Variants in XAB2 observed in about 807,000 individuals in gnomAD.
XAB2 encodes pre-mRNA-splicing factor SYF1.
In XAB2, 57 loss-of-function variants were observed where a neutral mutation model predicts 113.4. The ratio of observed to expected loss-of-function variants is 0.50; its 90% CI spans 0.41 to 0.63. The LOEUF is 0.63. Ranked by LOEUF, XAB2 falls within the 20% of genes least tolerant of loss-of-function variation. The pLI is 0.00. For synonymous variants in XAB2, 497 were observed against 498.8 expected, an observed-to-expected ratio of 1.00 and a Z score of 0.05; for missense variants, 1,037 against 1,233.3, an observed-to-expected ratio of 0.84 and a Z score of 2.38.
intron 12 of XAB2, 61 bp downstream of exon 12, chr19:7,622,270 G>T: frequency 6.6e-7 from 1 of 1,516,164 alleles, no homozygotes. Context: ...GTAAGTTGCT[G>T]AGGACCCCTG....
rs766031691 is a variant in XAB2, at chr19:7,625,900, G to A, written c.802C>T (p.Arg268Cys). The stretch of plus-strand genomic sequence containing the variant: ...TGCACCTTCTCGAAATGGCCGCTGC[G>A]GATGTAGTAGTCGGCGAGAGAACAC... ...LWCSLADYYIRSGHFEKARDV... is the reference protein window; with the variant it reads ...LWCSLADYYICSGHFEKARDV... Residue 268 changes from arginine to cysteine, a missense_variant, in exon 6 of 19, where the codon CGC becomes TGC. Physicochemically the swap from Arg to Cys is radical, Grantham distance 180. Coordinates refer to ENST00000358368, the MANE Select transcript of XAB2 (RefSeq NM_020196.3). This position sits in a 1 kb window ranked among gnomAD's most constrained non-coding sequence, Gnocchi z 5.2. 14 of 1,611,114 alleles carry A rather than the reference G, an allele frequency of 8.7e-6. No individual in the cohort carries two copies. The highest frequency in any genetic ancestry group is 1.6e-4 in the Middle Eastern group (1 of 6,074).
rs1253453643 is a variant in XAB2 at position 7,620,352 on chromosome 19, A to T, written c.2189T>A (p.Val730Glu). Reference protein sequence around the residue: ...IKEMLRIRRSVQATYNTQVNF... With the variant: ...IKEMLRIRRSEQATYNTQVNF... ...GACCTGCGTGTTGTACGTGGCCTGCACGCTGCGCCGGATACGCAGCATTTC... is the reference window on the plus strand; with the variant it reads ...GACCTGCGTGTTGTACGTGGCCTGCTCGCTGCGCCGGATACGCAGCATTTC... The change falls in exon 16 of 19, where the codon GTG (valine) becomes GAG (glutamate). Residue 730 changes from valine (V) to glutamate (E), a missense_variant. Physicochemically the swap from Val to Glu is moderately radical, Grantham distance 121. Transcript: ENST00000358368. 1 of 1,613,556 alleles carries T rather than the reference A, an allele frequency of 6.2e-7. No homozygotes were observed. The highest frequency in any genetic ancestry group is 8.5e-7 in the Non-Finnish European group (1 of 1,179,998).
In XAB2 at chr19:7,621,259, G is replaced by A. The variant is rs963110693; in HGVS notation, c.1656C>T (p.Asn552=). 1.7e-5 allele frequency: 27 copies of A among 1,612,964 alleles called. No individual in the cohort carries two copies. Among genetic ancestry groups the A allele is most frequent in the Middle Eastern group, 3.3e-4 (2 of 6,084 alleles). The change falls in exon 13 of 19, where the codon AAC becomes AAT. Residue 552 remains asparagine (N), a synonymous_variant. Transcript: ENST00000358368. Reference sequence around the variant, plus strand: ...GGTAGGTGCTCCAGATGTCGGACACGTTGGGCCACTTGAACAGCGAGATGC... The same window carrying A: ...GGTAGGTGCTCCAGATGTCGGACACATTGGGCCACTTGAACAGCGAGATGC... ...ERGISLFKWP[N]VSDIWSTYLT...
rs754640111 is a variant in XAB2, at chr19:7,621,115, A to G, written c.1780+20T>C. ...ACCCAGCCCGCCCGCCACCCCCCCC[A>G]TGCCCTCTGCCCGCCTCACTCTTGG... On this transcript the variant is annotated intron_variant, in intron 13 of 18. Transcript: ENST00000358368. 1.2e-4 allele frequency: 44 copies of G among 381,094 alleles called. No homozygotes were observed. The highest frequency in any genetic ancestry group is 1.6e-4 in the Non-Finnish European group (43 of 263,988). 23.6% of individuals were successfully genotyped at this position (381,094 alleles called of 1,614,324 possible). A position where few individuals can be genotyped will look rare whatever the true frequency, so the allele number is the denominator to read the frequency against.
chr19:7,625,496 TG>T lies in XAB2; in HGVS notation c.822+383del, dbSNP rs67675857. On this transcript the variant is annotated intron_variant, in intron 6 of 18. Coordinates refer to ENST00000358368, the MANE Select transcript of XAB2 (RefSeq NM_020196.3). The surrounding 1 kb of genome is among the most constrained non-coding windows in gnomAD (Gnocchi z 5.2). ...CACTTTTTTTTTTTTTTTTTTTTTT[TG>T]AGATGGAGTCTCGCTCTGCCACCCA... Among the ~76,000 whole-genome samples the T allele has an allele frequency of 0.067, 8,221 of 123,068 alleles. 724 individuals are homozygous for T. Among genetic ancestry groups the T allele is most frequent in the East Asian group, 0.44 (1,875 of 4,246 alleles). The allele number at this position is 123,068 out of a possible 152,430, so 80.7% of individuals were successfully genotyped here.
At chr19:7,620,513 C>T in intron 15 of XAB2, 34 bp downstream of exon 15, 1 of 1,612,692 alleles carries the variant, frequency 6.2e-7, no homozygotes, top group South Asian at 1.1e-5. Flanking sequence ...CCGCAGCCCC[C>T]AACCCTGATA....
chr19:7,619,701 G>A, intron 18 of XAB2, 46 bp downstream of exon 18: 1 of 1,609,452 alleles, frequency 6.2e-7, no homozygotes, highest in Non-Finnish European at 8.5e-7. Flanking sequence ...GTCCCCCGAG[G>A]CCCACCCTGG....
chr19:7,620,897 G>A lies in XAB2; in HGVS notation c.1920C>T (p.Ala640=), dbSNP rs775151385. The part of the protein sequence containing the change: ...DMFNIYIKRA[A]EIYGVTHTRG... The stretch of plus-strand genomic sequence containing the variant: ...GGGTGTGGGTGACCCCATAGATCTC[G>A]GCCGCCCGCTTGATGTAGATGTTGA... Residue 640 remains alanine, a synonymous_variant, in exon 14 of 19, where the codon GCC becomes GCT. Transcript: ENST00000358368. 3.9e-5 allele frequency: 62 copies of A among 1,602,954 alleles called. No individual in the cohort carries two copies. Among genetic ancestry groups the A allele is most frequent in the Admixed American group, 3.4e-4 (20 of 58,652 alleles).
At chr19:7,626,108 C>T (rs2031134912) in intron 5 of XAB2, 28 bp downstream of exon 5, 1 of 1,612,818 alleles carries the variant, frequency 6.2e-7, no homozygotes, top group Non-Finnish European at 8.5e-7. Context: ...GGCCCTCCCA[C>T]CCAGTTGCCG....
At position 7,627,821 on chromosome 19, in the gene XAB2, C is replaced by T. The variant is rs200672913; in HGVS notation, c.231G>A (p.Ala77=). ...SYKLWYRYLK[A]RRAQVKHRCV... Reference sequence around the variant, plus strand: ...AGCGATGCTTCACCTGTGCCCGACGCGCCTTCAGGTATCGGTACCAGAGTT... The same window carrying T: ...AGCGATGCTTCACCTGTGCCCGACGTGCCTTCAGGTATCGGTACCAGAGTT... Residue 77 remains alanine, a synonymous_variant, in exon 3 of 19, where the codon GCG becomes GCA. Coordinates refer to ENST00000358368, the MANE Select transcript of XAB2 (RefSeq NM_020196.3). This position sits in a 1 kb window ranked among gnomAD's most constrained non-coding sequence, Gnocchi z 4.5. The T allele has an allele frequency of 1.1e-5, 17 of 1,613,946 alleles. 1 individual carries two copies. Among genetic ancestry groups the T allele is most frequent in the South Asian group, 7.7e-5 (7 of 91,082 alleles).
chr19:7,628,434 C>A lies in XAB2; in HGVS notation c.52-136G>T. The A allele has an allele frequency of 1.9e-6, 2 of 1,046,296 alleles. No individual in the cohort carries two copies. The highest frequency in any genetic ancestry group is 1.5e-5 in the South Asian group (1 of 65,024). The allele number at this position is 1,046,296 out of a possible 1,614,324, so 64.8% of individuals were successfully genotyped here. A position where few individuals can be genotyped will look rare whatever the true frequency, so the allele number is the denominator to read the frequency against. ...ACCACCCACCAAGGAAGTCAGGTCA[C>A]CAGATGCCCAGGCACCAAACCAGAT... On this transcript the variant is annotated intron_variant, in intron 1 of 18. Coordinates refer to ENST00000358368, the MANE Select transcript of XAB2 (RefSeq NM_020196.3). This position sits in a 1 kb window ranked among gnomAD's most constrained non-coding sequence, Gnocchi z 4.6.
Position 7,620,316 on chromosome 19 carries a change from G to T in XAB2, c.2225C>A (p.Ala742Asp). Reference sequence around the variant, plus strand: ...GCCCGAGACCTTGAGCATCTGCGAGGCCATGAAGTTGACCTGCGTGTTGTA... The same window carrying T: ...GCCCGAGACCTTGAGCATCTGCGAGTCCATGAAGTTGACCTGCGTGTTGTA... ...ATYNTQVNFM[A>D]SQMLKVSGSA... Residue 742 changes from alanine (A) to aspartate (D), a missense_variant, in exon 16 of 19, where the codon GCC (alanine) becomes GAC (aspartate). Physicochemically the swap from Ala to Asp is moderately radical, Grantham distance 126 (BLOSUM62 -2). Coordinates refer to ENST00000358368, the MANE Select transcript of XAB2 (RefSeq NM_020196.3). The T allele has an allele frequency of 1.9e-6, 3 of 1,613,690 alleles. No homozygotes were observed. Among genetic ancestry groups the T allele is most frequent in the Non-Finnish European group, 2.5e-6 (3 of 1,180,016 alleles).
Position 7,622,582 on chromosome 19 carries a change from A to T in XAB2, c.1451T>A (p.Leu484Gln). 6.2e-7 allele frequency: 1 copy of T among 1,613,450 alleles called. No individual in the cohort carries two copies. The highest frequency in any genetic ancestry group is 8.5e-7 in the Non-Finnish European group (1 of 1,180,030). ...EPVQNRVYKS[L>Q]KVWSMLADLE... ...GTCGGCGAGCATGGACCAGACCTTCAGTGACTTGTACACGCGGTTCTGCAC... is the reference window on the plus strand; with the variant it reads ...GTCGGCGAGCATGGACCAGACCTTCTGTGACTTGTACACGCGGTTCTGCAC... The change falls in exon 11 of 19, where the codon CTG becomes CAG. Residue 484 changes from leucine (L) to glutamine (Q), a missense_variant. By Grantham distance (113) the Leu-to-Gln change is moderately radical (BLOSUM62 -2). Coordinates refer to ENST00000358368, the MANE Select transcript of XAB2 (RefSeq NM_020196.3).
chr19:7,619,625 G>C lies in XAB2; in HGVS notation c.2529C>G (p.Ser843Arg). 6.2e-7 allele frequency: 1 copy of C among 1,603,024 alleles called. No homozygotes were observed. Among genetic ancestry groups the C allele is most frequent in the Non-Finnish European group, 8.5e-7 (1 of 1,174,376 alleles). ...GGCTCCCAAACACTGCGGCTGGCAC[G>C]CTCTGCTGCTCCAGCCGAACCTCTG... is the stretch of plus-strand genomic sequence containing the variant. ...EPNEVRLEQQ[S>R]VPAAVFGSLK... Residue 843 changes from serine (S) to arginine (R), a missense_variant, in exon 19 of 19, where the codon AGC (serine) becomes AGG (arginine). Transcript: ENST00000358368.
At chr19:7,622,003 G>A (rs2031043629) in intron 12 of XAB2, 1 of 256,808 alleles carries the variant, frequency 3.9e-6, no homozygotes, top group South Asian at 5.2e-5. Flanking sequence ...GAGGTCGTTA[G>A]GGGCCACCTA....
chr19:7,625,815 A>G lies in XAB2; in HGVS notation c.822+65T>C, dbSNP rs914473118. The G allele has an allele frequency of 2.7e-5, 42 of 1,537,820 alleles. No individual in the cohort carries two copies. Among genetic ancestry groups the G allele is most frequent in the Admixed American group, 1.2e-4 (6 of 51,998 alleles). ...GTTTTCTGCCTGTGCATGTGTCAAC[A>G]TGTGTCCCCGAGTGTCGGAGGGAGA... On this transcript the variant is annotated intron_variant, in intron 6 of 18. Transcript: ENST00000358368. The surrounding 1 kb of genome is among the most constrained non-coding windows in gnomAD (Gnocchi z 5.2).
chr19:7,621,547 T>G (rs937921290), intron 12 of XAB2: 21 of 509,820 alleles, frequency 4.1e-5, no homozygotes, highest in Admixed American at 6.8e-5. Flanking sequence ...GGAGGTGACA[T>G]GATGGGTGAA....
chr19:7,629,181 G>A (rs972922427), intron 1 of XAB2, among the ~76,000 whole-genome samples: 26 of 152,174 alleles, frequency 1.7e-4, no homozygotes, highest in African/African-American at 6.3e-4. Context: ...GTTCAGTTAT[G>A]CGATCTTCCT....
rs2031089497 is a variant in XAB2, at chr19:7,623,993, C to G, written c.968-111G>C. On this transcript the variant is annotated intron_variant, in intron 7 of 18. Transcript: ENST00000358368. The surrounding 1 kb of genome is among the most constrained non-coding windows in gnomAD (Gnocchi z 4.6). ...CCGCTCCAGCCCCCAGCCAAGTGCT[C>G]TGGGCCCTAGACACTCAGCTCGGGT... 3 of 1,343,778 alleles carry G rather than the reference C, an allele frequency of 2.2e-6. No homozygotes were observed. In the South Asian group the frequency reaches 4.3e-5, roughly 19 times the overall value. The allele number at this position is 1,343,778 out of a possible 1,614,324, so 83.2% of individuals were successfully genotyped here.
Sources: gnomAD v4.1 joint callset for allele counts (sites outside exome capture counted in the v4.1 genomes callset) on GRCh38, gnomAD v4.1.1 for gene constraint, Gnocchi (gnomAD v3.1) non-coding constraint, MANE v1.5 for transcripts, NCBI Gene and HGNC (gene_info 2026-07-23, HGNC 2026-07-21) for gene names.